The following GRID1 variants were observed in gnomAD, a reference collection of about 807,000 sequenced individuals.
The protein encoded by GRID1 is glutamate receptor ionotropic, delta-1.
In GRID1, 28 loss-of-function variants were observed where a neutral mutation model predicts 98.0. The ratio of observed to expected loss-of-function variants is 0.29; its 90% CI spans 0.21 to 0.39. GRID1 has a LOEUF of 0.39. GRID1 is among the 10% of genes least tolerant of loss of function. GRID1 has a pLI of 1.00. For missense variants in GRID1, 1,111 were observed against 1,340.5 expected (o/e 0.83, Z 2.67); for synonymous variants, 553 against 538.5 (o/e 1.03, Z -0.37).
intron 8 of GRID1, among the ~76,000 whole-genome samples, chr10:85,770,325 A>G (rs376241190): frequency 2.6e-5 from 4 of 152,144 alleles, no homozygotes; most frequent in Non-Finnish European, 4.4e-5. Flanking sequence ...AAACCCATCT[A>G]TACATCACCA....
intron 5 of GRID1, among the ~76,000 whole-genome samples, chr10:85,903,979 A>G (rs758890695): frequency 3.9e-5 from 6 of 152,180 alleles, no homozygotes; most frequent in Non-Finnish European, 8.8e-5. Context: ...TGGGCACCCT[A>G]TGTAAAGTAG....
chr10:86,357,597 T>C (rs765487372), intron 2 of GRID1, among the ~76,000 whole-genome samples: 1 of 152,196 alleles, frequency 6.6e-6, no homozygotes, highest in Non-Finnish European at 1.5e-5. Flanking sequence ...TGCTCTTGAG[T>C]ACAGGTGGAT....
chr10:86,107,774 G>C (rs1844413795), intron 4 of GRID1, among the ~76,000 whole-genome samples: 1 of 152,124 alleles, frequency 6.6e-6, no homozygotes, highest in South Asian at 2.1e-4. Flanking sequence ...CAGGTACCGG[G>C]AGGCCAGCCA....
chr10:85,930,875 T>C (rs1191507007), intron 4 of GRID1, among the ~76,000 whole-genome samples: 1 of 152,176 alleles, frequency 6.6e-6, no homozygotes, highest in Non-Finnish European at 1.5e-5. Flanking sequence ...AGAGTCTCAC[T>C]CTGTCATCCA....
rs149072240 is a variant in GRID1 at position 85,885,286 on chromosome 10, G to C, written c.781-16106C>G. On this transcript the variant is annotated intron_variant, in intron 5 of 15. Transcript: ENST00000327946. ...TCGAAGCAAAACTGTCCTTTTTATA[G>C]TGTGCACTAAGGAAGGGGATAAGAT... 1.0e-3 allele frequency among the ~76,000 whole-genome samples: 158 copies of C among 152,288 alleles called. 1 individual carries two copies. The highest frequency in any genetic ancestry group is 3.5e-3 in the African/African-American group (144 of 41,554).
At chr10:85,705,988 AACCCACAGTCAATATCAT>A (rs1428516003) in intron 12 of GRID1, among the ~76,000 whole-genome samples, 2 of 152,190 alleles carry the variant, frequency 1.3e-5, no homozygotes, top group Non-Finnish European at 2.9e-5. Context: ...ATTTATGACA[AACCCACAGTCAATATCAT>A]ACTGAATGGG....
intron 2 of GRID1, among the ~76,000 whole-genome samples, chr10:86,267,481 G>T (rs1847121667): frequency 6.6e-6 from 1 of 152,240 alleles, no homozygotes; most frequent in African/African-American, 2.4e-5. Context: ...GGCAACCCAG[G>T]AGCTTTTGTT....
chr10:86,339,438 A>T (rs544610424), intron 2 of GRID1, among the ~76,000 whole-genome samples: 1 of 152,330 alleles, frequency 6.6e-6, no homozygotes, highest in South Asian at 2.1e-4. Flanking sequence ...TACACTAATT[A>T]ACTTGCAGCT....
chr10:85,619,918 T>G lies in GRID1; in HGVS notation c.2309A>C (p.Tyr770Ser). ...VIGNSISSKG[Y>S]GIALQHGSPY... ...GCTGCCATGCTGCAGGGCAATCCCG[T>G]AACCCTTGCTGCTGATGCTGTTGCC... is the stretch of plus-strand genomic sequence containing the variant. The change falls in exon 14 of 16, where the codon TAC becomes TCC. Residue 770 changes from tyrosine (Y) to serine (S), a missense_variant. Tyr to Ser is a moderately radical substitution (Grantham distance 144). Coordinates refer to ENST00000327946, the MANE Select transcript of GRID1 (RefSeq NM_017551.3). 1 of 1,614,216 alleles carries G rather than the reference T, an allele frequency of 6.2e-7. No homozygotes were observed. Among genetic ancestry groups the G allele is most frequent in the Non-Finnish European group, 8.5e-7 (1 of 1,180,016 alleles).
chr10:86,237,683 G>A (rs1445650756), intron 2 of GRID1, among the ~76,000 whole-genome samples: 2 of 134,296 alleles, frequency 1.5e-5, no homozygotes, highest in Non-Finnish European at 3.3e-5. Context: ...CTGGGCAACA[G>A]AGCGAGACTC....
intron 3 of GRID1, among the ~76,000 whole-genome samples, chr10:86,196,453 G>C (rs2814353): frequency 5.5e-4 from 84 of 151,856 alleles, no homozygotes; most frequent in Middle Eastern, 3.4e-3. Flanking sequence ...AACCCTCCAC[G>C]GTAGGCGTTT....
intron 12 of GRID1, among the ~76,000 whole-genome samples, chr10:85,672,556 T>G (rs1179812015): frequency 6.6e-6 from 1 of 152,152 alleles, no homozygotes; most frequent in Admixed American, 6.5e-5. Flanking sequence ...TCTGCCCACC[T>G]CAGCCTCCCA....
At chr10:85,960,253 G>A (rs1233228998) in intron 4 of GRID1, among the ~76,000 whole-genome samples, 1 of 152,190 alleles carries the variant, frequency 6.6e-6, no homozygotes, top group Non-Finnish European at 1.5e-5. Flanking sequence ...GTAATTTTAT[G>A]CTTAGCTTTC....
chr10:85,978,161 T>TCTTC lies in GRID1; in HGVS notation c.727-61926_727-61923dup, dbSNP rs147796176. ...GGACATTTTTCCAGTCCATGCAGCG[T>TCTTC]CTTCCCTACCTAACCTGTGATTTTT... On this transcript the variant is annotated intron_variant, in intron 4 of 15. Coordinates refer to ENST00000327946, the MANE Select transcript of GRID1 (RefSeq NM_017551.3). 5.4e-3 allele frequency among the ~76,000 whole-genome samples: 825 copies of TCTTC among 152,298 alleles called. 7 individuals carry two copies. Among genetic ancestry groups the TCTTC allele is most frequent in the African/African-American group, 0.019 (774 of 41,556 alleles).
chr10:86,166,996 T>G (rs1232061684), intron 3 of GRID1, among the ~76,000 whole-genome samples: 1 of 152,196 alleles, frequency 6.6e-6, no homozygotes, highest in East Asian at 1.9e-4. Context: ...TGGGGCCTAT[T>G]GGCAGAAAGG....
chr10:86,196,069 G>A (rs545469775), intron 3 of GRID1, among the ~76,000 whole-genome samples: 16 of 152,018 alleles, frequency 1.1e-4, no homozygotes, highest in Middle Eastern at 3.2e-3. Flanking sequence ...CTCTGAGACC[G>A]CTAGCACAGC....
intron 4 of GRID1, among the ~76,000 whole-genome samples, chr10:85,933,516 G>A (rs1841887035): frequency 6.6e-6 from 1 of 152,100 alleles, no homozygotes; most frequent in Non-Finnish European, 1.5e-5. Flanking sequence ...CATACACTTT[G>A]GAAAGGTGGA....
intron 2 of GRID1, among the ~76,000 whole-genome samples, chr10:86,213,918 G>A (rs1433017028): frequency 1.3e-5 from 2 of 152,064 alleles, no homozygotes; most frequent in Non-Finnish European, 2.9e-5. Flanking sequence ...CTGGCCCTCT[G>A]CACCCAAGCC....
At chr10:85,822,886 T>A (rs1050276789) in intron 8 of GRID1, among the ~76,000 whole-genome samples, 1 of 152,180 alleles carries the variant, frequency 6.6e-6, no homozygotes, top group African/African-American at 2.4e-5. Context: ...ACATCCTTTG[T>A]AGGGACATGG....
Sources: allele counts gnomAD v4.1 joint callset (sites outside exome capture counted in the v4.1 genomes callset), GRCh38; gene constraint gnomAD v4.1.1; transcripts MANE v1.5; gene names NCBI Gene and HGNC (gene_info 2026-07-23, HGNC 2026-07-21).